TRAF3: variants seen among roughly 807,000 people sequenced by gnomAD.
TRAF3 encodes TNF receptor-associated factor 3.
In TRAF3, 13 loss-of-function variants were observed where a neutral mutation model predicts 62.3. The observed-to-expected ratio is 0.21, with a 90% CI of 0.14 to 0.33. The LOEUF (loss-of-function observed/expected upper bound fraction) is 0.33. Among genes scored for constraint, TRAF3 ranks in the 10% least tolerant of loss-of-function variants. TRAF3 has a pLI of 1.00. For synonymous variants in TRAF3, 269 were observed against 283.4 expected (o/e 0.95, Z 0.51); for missense variants, 440 against 741.8 (o/e 0.59, Z 4.73).
intron 1 of TRAF3, among the ~76,000 whole-genome samples, chr14:102,801,011 A>G (rs1158105479): frequency 6.6e-6 from 1 of 151,300 alleles, no homozygotes; most frequent in East Asian, 1.9e-4. Context: ...CTAAAAATAC[A>G]AAAAATTAGC....
intron 1 of TRAF3, among the ~76,000 whole-genome samples, chr14:102,789,505 T>C (rs1897681201): frequency 1.3e-5 from 2 of 152,172 alleles, no homozygotes; most frequent in South Asian, 4.1e-4. Context: ...ATATGGGTAA[T>C]GTGCCGACGT....
intron 1 of TRAF3, among the ~76,000 whole-genome samples, chr14:102,806,902 T>A (rs1898806654): frequency 6.6e-6 from 1 of 152,182 alleles, no homozygotes; most frequent in Non-Finnish European, 1.5e-5. Context: ...GAATGACACC[T>A]AACCTGTCTC....
At chr14:102,790,400 A>C (rs560223462) in intron 1 of TRAF3, among the ~76,000 whole-genome samples, 1 of 152,168 alleles carries the variant, frequency 6.6e-6, no homozygotes, top group Non-Finnish European at 1.5e-5. Flanking sequence ...GTACCACACT[A>C]TATTAGTCTG....
At chr14:102,798,956 T>G (rs1251479960) in intron 1 of TRAF3, among the ~76,000 whole-genome samples, 1 of 152,216 alleles carries the variant, frequency 6.6e-6, no homozygotes, top group African/African-American at 2.4e-5. Context: ...ATTACAGGAT[T>G]AGTAATTATC....
chr14:102,876,819 A>G, intron 6 of TRAF3: 2 of 425,282 alleles, frequency 4.7e-6, no homozygotes, highest in African/African-American at 2.1e-5. Context: ...CAATTCGTAG[A>G]TAATCCATTC....
chr14:102,821,452 T>G (rs947458223), intron 1 of TRAF3, among the ~76,000 whole-genome samples: 2 of 152,224 alleles, frequency 1.3e-5, no homozygotes, highest in African/African-American at 4.8e-5. Flanking sequence ...GAGCGAGTAA[T>G]CATGACAGGA....
intron 1 of TRAF3, among the ~76,000 whole-genome samples, chr14:102,796,752 C>T (rs1898112890): frequency 6.6e-6 from 1 of 152,152 alleles, no homozygotes; most frequent in South Asian, 2.1e-4. Context: ...TTCCTGAGGC[C>T]AAGACCTCTG....
At chr14:102,856,490 A>T (rs1887378485) in intron 2 of TRAF3, among the ~76,000 whole-genome samples, 1 of 152,186 alleles carries the variant, frequency 6.6e-6, no homozygotes, top group Non-Finnish European at 1.5e-5. Flanking sequence ...AATGAATAGT[A>T]AGGACAACCA....
At chr14:102,809,830 C>T (rs1324359898) in intron 1 of TRAF3, among the ~76,000 whole-genome samples, 2 of 152,056 alleles carry the variant, frequency 1.3e-5, no homozygotes, top group East Asian at 3.9e-4. Flanking sequence ...GCGCTTGGCC[C>T]ACAGCATAGA....
chr14:102,897,944 C>T (rs961725483), intron 10 of TRAF3, among the ~76,000 whole-genome samples: 1 of 152,264 alleles, frequency 6.6e-6, no homozygotes, highest in Non-Finnish European at 1.5e-5. Flanking sequence ...AATGTCGCTT[C>T]TCCTGTCTTC....
At chr14:102,852,293 G>C (rs1252097895) in intron 2 of TRAF3, among the ~76,000 whole-genome samples, 1 of 152,090 alleles carries the variant, frequency 6.6e-6, no homozygotes, top group Admixed American at 6.6e-5. Flanking sequence ...GAAAAAATTA[G>C]CCTTTTAGTT....
In TRAF3 at chr14:102,889,646, A is replaced by G. The variant is rs778971094; in HGVS notation, c.726+12A>G. ...GCTGCGTTTTTCAGGTCAGTATCCG[A>G]CATTTGTCCTTCCCAGTCACTGACA... On this transcript the variant is annotated intron_variant, in intron 8 of 11. Transcript: ENST00000392745. The G allele has an allele frequency of 3.1e-6, 5 of 1,614,046 alleles. No individual in the cohort carries two copies. In the East Asian group the frequency reaches 8.9e-5, roughly 29 times the overall value.
chr14:102,856,457 C>A lies in TRAF3; in HGVS notation c.-17-13728C>A, dbSNP rs141495016. ...GCTGGTGGAAGTGTCTTTTAGCATG[C>A]TGATGCATTATAATTAGAGTATAAT... On this transcript the variant is annotated intron_variant, in intron 2 of 11. Transcript: ENST00000392745. Among the ~76,000 whole-genome samples, 666 of 152,284 alleles carry A rather than the reference C, an allele frequency of 4.4e-3. 7 individuals carry two copies. Among genetic ancestry groups the A allele is most frequent in the African/African-American group, 0.016 (651 of 41,550 alleles).
chr14:102,883,508 G>T (rs1439934913), intron 6 of TRAF3, among the ~76,000 whole-genome samples: 1 of 152,180 alleles, frequency 6.6e-6, no homozygotes, highest in African/African-American at 2.4e-5. Flanking sequence ...AGGTGCAGAA[G>T]ATGGATGTTA....
In TRAF3 at chr14:102,826,845, G is replaced by A. The variant is rs1350123713; in HGVS notation, c.-156-3489G>A. Among the ~76,000 whole-genome samples, 1 of 152,156 alleles carries A rather than the reference G, an allele frequency of 6.6e-6. No individual in the cohort carries two copies. Among genetic ancestry groups the A allele is most frequent in the Non-Finnish European group, 1.5e-5 (1 of 68,034 alleles). On this transcript the variant is annotated intron_variant, in intron 1 of 11. Transcript: ENST00000392745. The surrounding 1 kb of genome is among the most constrained non-coding windows in gnomAD (Gnocchi z 4.6). ...AGGACAGCTGTTACTTATGGGTGGC[G>A]GCGTGGTGAGGTCGCACAACACAGA...
intron 1 of TRAF3, among the ~76,000 whole-genome samples, chr14:102,785,300 C>G (rs1897442161): frequency 6.6e-6 from 1 of 152,300 alleles, no homozygotes; most frequent in South Asian, 2.1e-4. Flanking sequence ...CAGCAGCCTC[C>G]TCGGATTCAC....
chr14:102,855,778 A>G (rs1344535774), intron 2 of TRAF3, among the ~76,000 whole-genome samples: 2 of 147,352 alleles, frequency 1.4e-5, no homozygotes, highest in Admixed American at 6.8e-5. Flanking sequence ...CTTGGGCTAC[A>G]GAATGAGACT....
chr14:102,866,891 AC>A (rs1888029465), intron 2 of TRAF3, among the ~76,000 whole-genome samples: 1 of 150,918 alleles, frequency 6.6e-6, no homozygotes, highest in South Asian at 2.1e-4. Flanking sequence ...ACACACACAC[AC>A]AAAACAATGA....
In TRAF3 at chr14:102,900,137, C is replaced by T. The variant is rs1175036162; in HGVS notation, c.960+2736C>T. The stretch of plus-strand genomic sequence containing the variant: ...GAACTTGCAGTGAGCCGAGATAGCG[C>T]CGCTGCAGTCAGGCGTGGGAGAAAG... On this transcript the variant is annotated intron_variant, in intron 10 of 11. Coordinates refer to ENST00000392745, the MANE Select transcript of TRAF3 (RefSeq NM_145725.3). Among the ~76,000 whole-genome samples, 6 of 137,700 alleles carry T rather than the reference C, an allele frequency of 4.4e-5. 1 individual carries two copies. Among genetic ancestry groups the T allele is most frequent in the Non-Finnish European group, 9.0e-5 (6 of 66,828 alleles). The allele number at this position is 137,700 out of a possible 152,430, so 90.3% of individuals were successfully genotyped here. A position where few individuals can be genotyped will look rare whatever the true frequency, so the allele number is the denominator to read the frequency against.
Sources: allele counts gnomAD v4.1 joint callset (sites outside exome capture counted in the v4.1 genomes callset), GRCh38; gene constraint gnomAD v4.1.1; non-coding constraint Gnocchi (gnomAD v3.1); transcripts MANE v1.5; gene names NCBI Gene and HGNC (gene_info 2026-07-23, HGNC 2026-07-21).